BRD4: variants seen among roughly 807,000 people sequenced by gnomAD.
BRD4 encodes the protein bromodomain containing 4, also known as bromodomain-containing protein 4.
In BRD4, 16 loss-of-function variants were observed where a neutral mutation model predicts 142.1. The observed-to-expected ratio is 0.11, with a 90% CI of 0.08 to 0.17. The LOEUF (loss-of-function observed/expected upper bound fraction) is 0.17. BRD4 is among the 10% of genes least tolerant of loss of function. The pLI is 1.00. For missense variants in BRD4, 1,424 were observed against 1,810.9 expected, an observed-to-expected ratio of 0.79 and a Z score of 3.88; for synonymous variants, 833 against 707.5, an observed-to-expected ratio of 1.18 and a Z score of -2.82.
At chr19:15,292,777 C>CAAAAAAAAAAAAAAAAAAAAAAA (rs57341445) in intron 1 of BRD4, among the ~76,000 whole-genome samples, 25 of 57,254 alleles carry the variant, frequency 4.4e-4, no homozygotes, top group Non-Finnish European at 5.5e-4. Flanking sequence ...GACTCCGTCT[C>CAAAAAAAAAAAAAAAAAAAAAAA]AAAAAAAAAA....
intron 1 of BRD4, among the ~76,000 whole-genome samples, chr19:15,283,929 G>A (rs1437800160): frequency 1.3e-5 from 2 of 152,186 alleles, no homozygotes; most frequent in Admixed American, 6.5e-5. Flanking sequence ...ACTAGCAAGA[G>A]CCCTTGCTGG....
intron 3 of BRD4, chr19:15,268,291 A>G (rs2047554266): frequency 6.5e-6 from 1 of 152,892 alleles, no homozygotes; most frequent in African/African-American, 2.4e-5. Context: ...ACTGTAAACA[A>G]ATGATCTGGC....
At chr19:15,302,176 A>C (rs527534498) in intron 1 of BRD4, among the ~76,000 whole-genome samples, 1 of 152,230 alleles carries the variant, frequency 6.6e-6, no homozygotes, top group East Asian at 1.9e-4. Context: ...CAAAAAAAAA[A>C]AAGGGGAATT....
intron 1 of BRD4, among the ~76,000 whole-genome samples, chr19:15,326,340 G>A (rs979337881): frequency 6.6e-6 from 1 of 151,696 alleles, no homozygotes; most frequent in Non-Finnish European, 1.5e-5. Flanking sequence ...AGCATGGGGC[G>A]CCTGTAGTCC....
chr19:15,256,902 TGG>T (rs2047415190), intron 8 of BRD4, 60 bp downstream of exon 8: 2 of 1,434,300 alleles, frequency 1.4e-6, no homozygotes, highest in East Asian at 5.0e-5. Context: ...TAGAAACTTC[TGG>T]GGAGGCCACC....
chr19:15,327,371 T>C (rs1437930530), intron 1 of BRD4, among the ~76,000 whole-genome samples: 1 of 152,108 alleles, frequency 6.6e-6, no homozygotes, highest in Admixed American at 6.6e-5. Context: ...AAACCCCATC[T>C]CTACTAAATA....
chr19:15,323,494 G>C (rs2048082353), intron 1 of BRD4, among the ~76,000 whole-genome samples: 1 of 152,126 alleles, frequency 6.6e-6, no homozygotes, highest in South Asian at 2.1e-4. Context: ...AAATTTTCAA[G>C]TATGAAGTCC....
chr19:15,307,934 G>A (rs547762370), intron 1 of BRD4, among the ~76,000 whole-genome samples: 1 of 151,584 alleles, frequency 6.6e-6, no homozygotes, highest in Non-Finnish European at 1.5e-5. Flanking sequence ...GGCCAACAAG[G>A]CAAAACCCCA....
intron 7 of BRD4, 134 bp from the exon 8 acceptor site, chr19:15,257,307 C>T: frequency 1.2e-6 from 1 of 864,708 alleles, no homozygotes. Flanking sequence ...GATCCTGTCT[C>T]TTTGCTGCCG....
intron 7 of BRD4, 124 bp from the exon 8 acceptor site, chr19:15,257,297 G>A: frequency 2.1e-6 from 2 of 935,718 alleles, no homozygotes; most frequent in Non-Finnish European, 3.1e-6. Context: ...AGAGGATGGT[G>A]ATCCTGTCTC....
At chr19:15,322,171 T>C (rs1023250000) in intron 1 of BRD4, among the ~76,000 whole-genome samples, 1 of 152,180 alleles carries the variant, frequency 6.6e-6, no homozygotes, top group African/African-American at 2.4e-5. Flanking sequence ...TTTTATGAAA[T>C]ATCCTTGAAA....
chr19:15,300,420 C>T (rs10410492), intron 1 of BRD4, among the ~76,000 whole-genome samples: 32,122 of 150,590 alleles, frequency 0.21, 3,776 homozygotes, highest in African/African-American at 0.31. Flanking sequence ...CCAGGTGTGG[C>T]GGTGGGTGCC....
intron 3 of BRD4, 125 bp from the exon 4 acceptor site, chr19:15,267,676 C>T (rs952106337): frequency 1.7e-5 from 19 of 1,102,770 alleles, no homozygotes; most frequent in Non-Finnish European, 2.2e-5. Flanking sequence ...GGTCCTTCCC[C>T]GATCTGCACC....
rs186788928 is a variant in BRD4, at chr19:15,292,313, C to T, written c.-34-19180G>A. On this transcript the variant is annotated intron_variant, in intron 1 of 19. Coordinates refer to ENST00000679869, the MANE Select transcript of BRD4 (RefSeq NM_001379291.1). Reference sequence around the variant, plus strand: ...GAGGTGCCTTCATGACACTCAATTACGGCTGCAGACTCAGATGACTTATCT... The same window carrying T: ...GAGGTGCCTTCATGACACTCAATTATGGCTGCAGACTCAGATGACTTATCT... Among the ~76,000 whole-genome samples the T allele has an allele frequency of 7.9e-5, 12 of 152,216 alleles. No individual in the cohort carries two copies. The East Asian group carries it at 1.4e-3, about 17-fold the overall frequency.
At chr19:15,277,619 C>CAAAAAAAAA (rs67961221) in intron 1 of BRD4, among the ~76,000 whole-genome samples, 1 of 96,024 alleles carries the variant, frequency 1.0e-5, no homozygotes. Context: ...CTATCTCTAC[C>CAAAAAAAAA]AAAAAAAAAA....
intron 1 of BRD4, among the ~76,000 whole-genome samples, chr19:15,307,438 T>A (rs894923312): frequency 6.6e-6 from 1 of 152,180 alleles, no homozygotes; most frequent in Non-Finnish European, 1.5e-5. Context: ...TGGGTGAATG[T>A]CCATTTTGAG....
intron 1 of BRD4, among the ~76,000 whole-genome samples, chr19:15,279,015 A>G (rs980643278): frequency 2.0e-5 from 3 of 152,084 alleles, no homozygotes; most frequent in Non-Finnish European, 4.4e-5. Context: ...CTAATTTTGT[A>G]TTTTTAGTAG....
At chr19:15,302,869 G>A (rs935235102) in intron 1 of BRD4, among the ~76,000 whole-genome samples, 2 of 151,110 alleles carry the variant, frequency 1.3e-5, no homozygotes, top group Non-Finnish European at 2.9e-5. Context: ...TTAGCCAGGC[G>A]TGGTGGCGGT....
Position 15,254,170 on chromosome 19 carries a change from T to C in BRD4, c.2140A>G (p.Ser714Gly), listed in dbSNP as rs769147609. 1.2e-6 allele frequency: 2 copies of C among 1,614,164 alleles called. No individual in the cohort carries two copies. ...ACCTAACCTGTTTCGGAGTCTTCGC[T>C]GTCAGAGGAGCTGGACTCACTGGAG... ...ESSSESSSSD[S>G]EDSETEMAPK... Residue 714 changes from serine (S) to glycine (G), a missense_variant, in exon 11 of 20, where the codon AGC (serine) becomes GGC (glycine). Ser to Gly is a moderately conservative substitution (Grantham distance 56, BLOSUM62 0). Coordinates refer to ENST00000679869, the MANE Select transcript of BRD4 (RefSeq NM_001379291.1).
Sources: allele counts gnomAD v4.1 joint callset (sites outside exome capture counted in the v4.1 genomes callset), GRCh38; gene constraint gnomAD v4.1.1; transcripts MANE v1.5; gene names NCBI Gene and HGNC (gene_info 2026-07-23, HGNC 2026-07-21).